The following FBXO34 variants were observed in gnomAD, a reference collection of about 807,000 sequenced individuals.
FBXO34 encodes F-box only protein 34.
In FBXO34, 12 loss-of-function variants were observed where a neutral mutation model predicts 24.5. The observed-to-expected ratio is 0.49, with a 90% confidence interval of 0.31 to 0.79. The LOEUF (loss-of-function observed/expected upper bound fraction) is 0.79, where lower values mean the gene tolerates loss of function less well. Among genes scored for constraint, FBXO34 ranks in the 30% least tolerant of loss-of-function variants. The probability of loss-of-function intolerance (pLI) is 0.04; values close to 1 mark genes in which losing one functional copy is unlikely to be tolerated. For synonymous variants in FBXO34, 320 were observed against 311.9 expected (o/e 1.03, Z -0.27); for missense variants, 823 against 857.7 (o/e 0.96, Z 0.51).
Position 55,317,067 on chromosome 14 carries a change from A to C in FBXO34, c.-10-33314A>C, listed in dbSNP as rs183511140. Among the ~76,000 whole-genome samples, 589 of 152,232 alleles carry C rather than the reference A, an allele frequency of 3.9e-3. 1 individual carries two copies. Among genetic ancestry groups the C allele is most frequent in the African/African-American group, 0.014 (564 of 41,526 alleles). On this transcript the variant is annotated intron_variant, in intron 1 of 1. Coordinates refer to ENST00000313833, the MANE Select transcript of FBXO34 (RefSeq NM_017943.4). ...AGTATCTCTGTGTTTCTCCTTTTAGAATAATGGCTGATCAGATTTCCCACA... is the reference window on the plus strand; with the variant it reads ...AGTATCTCTGTGTTTCTCCTTTTAGCATAATGGCTGATCAGATTTCCCACA...
the FBXO34 span, among the ~76,000 whole-genome samples, chr14:55,383,338 G>A: frequency 1.3e-5 from 2 of 151,882 alleles, no homozygotes; most frequent in African/African-American, 2.4e-5. Flanking sequence ...ATCACTTGAG[G>A]TCAGGAATTC....
downstream of FBXO34, among the ~76,000 whole-genome samples, chr14:55,372,896 G>A (rs769227814): frequency 3.3e-5 from 5 of 152,164 alleles, no homozygotes; most frequent in African/African-American, 9.7e-5. Flanking sequence ...CGGAGCAGGC[G>A]CTCAGCTAAG....
the FBXO34 span, chr14:55,440,534 C>T: frequency 2.5e-6 from 4 of 1,604,488 alleles, no homozygotes; most frequent in East Asian, 4.5e-5. Context: ...CCGGCCAGGG[C>T]GCAGAGGCCA....
chr14:55,372,657 T>C (rs1187861371), downstream of FBXO34, among the ~76,000 whole-genome samples: 1 of 151,702 alleles, frequency 6.6e-6, no homozygotes. Flanking sequence ...CACAGCTTGC[T>C]CCTTCCTTCG....
At chr14:55,281,159 C>A (rs1389180870) in intron 1 of FBXO34, among the ~76,000 whole-genome samples, 1 of 148,758 alleles carries the variant, frequency 6.7e-6, no homozygotes, top group Non-Finnish European at 1.5e-5. Context: ...GAGGCTGAGG[C>A]AGGAGAATCT....
rs180825066 is a variant in FBXO34, at chr14:55,320,522, C to T, written c.-10-29859C>T. 2.4e-3 allele frequency among the ~76,000 whole-genome samples: 371 copies of T among 152,272 alleles called. 1 individual carries two copies. The highest frequency in any genetic ancestry group is 8.6e-3 in the African/African-American group (356 of 41,560). Reference sequence around the variant, plus strand: ...ATCCCAGCACTTTGGGAGGCTGAGGCGGGCAGATCACGAGGTCAGGAGATC... The same window carrying T: ...ATCCCAGCACTTTGGGAGGCTGAGGTGGGCAGATCACGAGGTCAGGAGATC... On this transcript the variant is annotated intron_variant, in intron 1 of 1. Coordinates refer to ENST00000313833, the MANE Select transcript of FBXO34 (RefSeq NM_017943.4).
chr14:55,364,663 AG>A (rs1884640177), downstream of FBXO34, among the ~76,000 whole-genome samples: 1 of 151,004 alleles, frequency 6.6e-6, no homozygotes, highest in Admixed American at 6.6e-5. Context: ...TCCTGACCTC[AG>A]GTGATCCGCC....
chr14:55,352,382 T>C lies in FBXO34; in HGVS notation c.1992T>C (p.Tyr664=). The change falls in exon 2 of 2, where the codon TAT becomes TAC. Residue 664 remains tyrosine, a synonymous_variant. Transcript: ENST00000313833. Reference sequence around the variant, plus strand: ...AGGCATTGCCCTATGGGCCAGGGTATTGGATGTGCTGCCACCGGTCTCAGA... The same window carrying C: ...AGGCATTGCCCTATGGGCCAGGGTACTGGATGTGCTGCCACCGGTCTCAGA... ...YCQALPYGPG[Y]WMCCHRSQKG... 1 of 1,614,208 alleles carries C rather than the reference T, an allele frequency of 6.2e-7. No homozygotes were observed. The highest frequency in any genetic ancestry group is 1.1e-5 in the South Asian group (1 of 91,088).
chr14:55,411,061 G>C, the FBXO34 span, among the ~76,000 whole-genome samples: 6 of 152,172 alleles, frequency 3.9e-5, no homozygotes, highest in African/African-American at 1.2e-4. Context: ...AATCTTTAGA[G>C]GCAGGGAGGG....
intron 1 of FBXO34, among the ~76,000 whole-genome samples, chr14:55,301,173 A>T (rs1882340613): frequency 6.6e-6 from 1 of 152,232 alleles, no homozygotes; most frequent in African/African-American, 2.4e-5. Context: ...ACGGTGGCTC[A>T]TGCCTGTAAT....
chr14:55,411,906 G>A, the FBXO34 span: 25 of 1,307,958 alleles, frequency 1.9e-5, no homozygotes, highest in Middle Eastern at 2.7e-4. Context: ...CCTGGGGAAG[G>A]GGGGCTGGGA....
the FBXO34 span, among the ~76,000 whole-genome samples, chr14:55,385,631 C>A: frequency 2.0e-5 from 3 of 152,166 alleles, no homozygotes; most frequent in African/African-American, 4.8e-5. Context: ...GTCAGCACCT[C>A]ATCTAGAAGC....
intron 1 of FBXO34, among the ~76,000 whole-genome samples, chr14:55,276,595 C>T (rs558578800): frequency 5.9e-5 from 9 of 151,662 alleles, no homozygotes; most frequent in East Asian, 1.9e-4. Context: ...CTCTCGGCCC[C>T]GAGGAAGGGG....
intron 1 of FBXO34, among the ~76,000 whole-genome samples, chr14:55,298,158 T>C (rs1459211865): frequency 6.6e-6 from 1 of 152,128 alleles, no homozygotes; most frequent in Non-Finnish European, 1.5e-5. Flanking sequence ...GTGGTGGCTT[T>C]GAATACTGCC....
At chr14:55,436,900 G>C in the FBXO34 span, 64 of 1,614,222 alleles carry the variant, frequency 4.0e-5, no homozygotes, top group African/African-American at 7.5e-4. Flanking sequence ...ATCACCAGAT[G>C]TTTCTTTGAC....
At chr14:55,323,461 C>T (rs904662176) in intron 1 of FBXO34, among the ~76,000 whole-genome samples, 11 of 151,196 alleles carry the variant, frequency 7.3e-5, no homozygotes, top group East Asian at 2.0e-4. Context: ...TGGCTCACTG[C>T]GGTCTTCGAG....
At chr14:55,273,854 G>C (rs533324002) in intron 1 of FBXO34, among the ~76,000 whole-genome samples, 1 of 152,146 alleles carries the variant, frequency 6.6e-6, no homozygotes, top group African/African-American at 2.4e-5. Flanking sequence ...CACCCAGGCT[G>C]GAGTGCAGTG....
the FBXO34 span, chr14:55,437,128 G>C: frequency 5.1e-4 from 482 of 952,732 alleles, no homozygotes; most frequent in Non-Finnish European, 7.4e-4. Context: ...AGTGTAAGAG[G>C]CAGTTCAAGA....
intron 1 of FBXO34, among the ~76,000 whole-genome samples, chr14:55,275,377 T>C (rs974899067): frequency 4.6e-5 from 7 of 152,214 alleles, no homozygotes; most frequent in Non-Finnish European, 8.8e-5. Flanking sequence ...GCAAACATTT[T>C]TTTGAGTATT....
Sources: allele counts gnomAD v4.1 joint callset (sites outside exome capture counted in the v4.1 genomes callset), GRCh38; gene constraint gnomAD v4.1.1; transcripts MANE v1.5; gene names NCBI Gene and HGNC (gene_info 2026-07-23, HGNC 2026-07-21).